FBH1: variants seen among roughly 807,000 people sequenced by gnomAD.
The protein encoded by FBH1 is DNA 3'-5' helicase 1.
A neutral mutation model predicts 115.5 loss-of-function variants in FBH1; 43 were observed. The ratio of observed to expected loss-of-function variants is 0.37; its 90% CI spans 0.29 to 0.48. The LOEUF is 0.48. FBH1 is among the 20% of genes least tolerant of loss of function. The pLI is 0.99. For synonymous variants in FBH1, 524 were observed against 507.8 expected (o/e 1.03, Z -0.43); for missense variants, 1,001 against 1,337.3 (o/e 0.75, Z 3.92).
In FBH1 at chr10:5,909,227, A is replaced by T; in HGVS notation, c.953A>T (p.His318Leu). ...AGGGTGCTGTGGAGTCTGAGGGACC[A>T]CCCCCTCCTCCCCGAGGCTGAGGCG... Reference protein sequence around the residue: ...PERVLWSLRDHPLLPEAEACV... With the variant: ...PERVLWSLRDLPLLPEAEACV... Residue 318 changes from histidine (H) to leucine (L), a missense_variant, in exon 5 of 21, where the codon CAC becomes CTC. Transcript: ENST00000362091. This position sits in a 1 kb window ranked among gnomAD's most constrained non-coding sequence, Gnocchi z 4.4. 6.2e-7 allele frequency: 1 copy of T among 1,612,598 alleles called. No individual in the cohort carries two copies. The highest frequency in any genetic ancestry group is 8.5e-7 in the Non-Finnish European group (1 of 1,179,858).
Position 5,895,021 on chromosome 10 carries a change from T to G in FBH1, c.1+4675T>G, listed in dbSNP as rs1303626875. 1 of 1,598,380 alleles carries G rather than the reference T, an allele frequency of 6.3e-7. No homozygotes were observed. The highest frequency in any genetic ancestry group is 2.3e-5 in the East Asian group (1 of 44,420). ...GTGCTGGAGTTGAGAGATAACACAG[T>G]TAACTGTTGAAATTGGGCCATTCCC... On this transcript the variant is annotated intron_variant, in intron 1 of 20. Coordinates refer to ENST00000362091, the MANE Select transcript of FBH1 (RefSeq NM_178150.3). The surrounding 1 kb of genome is among the most constrained non-coding windows in gnomAD (Gnocchi z 5.0).
At chr10:5,928,308 A>C (rs1832777432) in intron 19 of FBH1, 1 of 151,626 alleles carries the variant, frequency 6.6e-6, no homozygotes, top group African/African-American at 2.4e-5. Flanking sequence ...ATGCCACCAC[A>C]CCTGACTAGT....
chr10:5,890,077 T>C (rs1589032369), upstream of FBH1: 4 of 299,232 alleles, frequency 1.3e-5, no homozygotes, highest in South Asian at 3.2e-4. Flanking sequence ...CCCCCACCGA[T>C]TGCGCATTTC....
rs748916196 is a variant in FBH1, at chr10:5,895,772, T to C, written c.1+5426T>C. On this transcript the variant is annotated intron_variant, in intron 1 of 20. Transcript: ENST00000362091. The surrounding 1 kb of genome is among the most constrained non-coding windows in gnomAD (Gnocchi z 5.0). ...TTCTAAGGATGTCCTGGGAATCAGC[T>C]TCCCAGTTAAGGGGAAGAGGAGAAG... 1.3e-5 allele frequency among the ~76,000 whole-genome samples: 2 copies of C among 152,112 alleles called. No individual in the cohort carries two copies. Among genetic ancestry groups the C allele is most frequent in the Admixed American group, 6.6e-5 (1 of 15,256 alleles).
At chr10:5,919,703 A>C (rs1014619733) in intron 13 of FBH1, among the ~76,000 whole-genome samples, 3 of 152,210 alleles carry the variant, frequency 2.0e-5, no homozygotes, top group Admixed American at 6.5e-5. Flanking sequence ...GAAAGTATCA[A>C]CTGTGCTGTG....
chr10:5,925,809 A>G lies in FBH1; in HGVS notation c.2722+317A>G, dbSNP rs1312382948. On this transcript the variant is annotated intron_variant, in intron 18 of 20. Coordinates refer to ENST00000362091, the MANE Select transcript of FBH1 (RefSeq NM_178150.3). This position sits in a 1 kb window ranked among gnomAD's most constrained non-coding sequence, Gnocchi z 4.6. ...CATCAGACTTTGAGTCTCCAGCCTC[A>G]TGAAAGCTTTAAAATATAGTTTACT... 6.6e-6 allele frequency among the ~76,000 whole-genome samples: 1 copy of G among 152,234 alleles called. No homozygotes were observed. Among genetic ancestry groups the G allele is most frequent in the Admixed American group, 6.5e-5 (1 of 15,282 alleles).
rs758790238 is a variant in FBH1, at chr10:5,918,431, A to G, written c.2053A>G (p.Asn685Asp). The G allele has an allele frequency of 6.2e-7, 1 of 1,612,012 alleles. No individual in the cohort carries two copies. Among genetic ancestry groups the G allele is most frequent in the Non-Finnish European group, 8.5e-7 (1 of 1,179,482 alleles). Residue 685 changes from asparagine (N) to aspartate (D), a missense_variant, in exon 13 of 21, where the codon AAC (asparagine) becomes GAC (aspartate). Physicochemically the swap from Asn to Asp is conservative, Grantham distance 23. This residue lies in a region of FBH1 where 521 missense variants were observed against 811.0 expected (regional missense o/e 0.64). Coordinates refer to ENST00000362091, the MANE Select transcript of FBH1 (RefSeq NM_178150.3). This position sits in a 1 kb window ranked among gnomAD's most constrained non-coding sequence, Gnocchi z 4.0. ...GATCTATACCTTCCGGGGTGCGGTC[A>G]ACGCCCTGTTCACAGTGCCCCACAC... The part of the protein sequence containing the change: ...QQIYTFRGAV[N>D]ALFTVPHTHV...
Position 5,913,623 on chromosome 10 carries a change from A to G in FBH1, c.1212-124A>G, listed in dbSNP as rs1831745447. 1 of 634,952 alleles carries G rather than the reference A, an allele frequency of 1.6e-6. No homozygotes were observed. 39.3% of individuals were successfully genotyped at this position (634,952 alleles called of 1,614,324 possible). On this transcript the variant is annotated intron_variant, in intron 6 of 20. Transcript: ENST00000362091. This position sits in a 1 kb window ranked among gnomAD's most constrained non-coding sequence, Gnocchi z 4.4. ...TTAAATCCTTTTCTTTCTTTTTTCC[A>G]TTAAATGGTGGTAGGTATTTTCTTT...
intron 19 of FBH1, among the ~76,000 whole-genome samples, chr10:5,927,757 G>C (rs1832737359): frequency 6.6e-6 from 1 of 152,030 alleles, no homozygotes; most frequent in Non-Finnish European, 1.5e-5. Flanking sequence ...TCCTAATTCA[G>C]TTTAAAAAGC....
At chr10:5,903,525 C>T (rs1843498565) in intron 2 of FBH1, among the ~76,000 whole-genome samples, 1 of 151,772 alleles carries the variant, frequency 6.6e-6, no homozygotes, top group Non-Finnish European at 1.5e-5. Flanking sequence ...GACGGGGTTT[C>T]TCCATGTTGG....
At chr10:5,894,263 G>A in intron 1 of FBH1, 2 of 1,423,028 alleles carry the variant, frequency 1.4e-6, no homozygotes, top group Non-Finnish European at 1.8e-6. Flanking sequence ...CGGGTCTACA[G>A]CATTTAGTGG....
intron 2 of FBH1, among the ~76,000 whole-genome samples, chr10:5,905,038 C>A (rs929421206): frequency 3.9e-5 from 6 of 152,144 alleles, no homozygotes; most frequent in African/African-American, 1.4e-4. Flanking sequence ...AAAATGTTCC[C>A]TATGTTCCTG....
At chr10:5,899,900 A>T (rs1794003148) in intron 1 of FBH1, among the ~76,000 whole-genome samples, 1 of 152,234 alleles carries the variant, frequency 6.6e-6, no homozygotes, top group Non-Finnish European at 1.5e-5. Flanking sequence ...TTAGTTTTTA[A>T]TGTAGAGAAA....
chr10:5,907,176 T>A (rs1843745683), intron 3 of FBH1, among the ~76,000 whole-genome samples: 1 of 149,772 alleles, frequency 6.7e-6, no homozygotes, highest in African/African-American at 2.4e-5. Context: ...TTGGCCAGGA[T>A]GGTCTCTGAA....
chr10:5,918,958 G>A lies in FBH1; in HGVS notation c.2100+480G>A, dbSNP rs927868875. 6.6e-6 allele frequency among the ~76,000 whole-genome samples: 1 copy of A among 152,158 alleles called. No individual in the cohort carries two copies. The highest frequency in any genetic ancestry group is 1.5e-5 in the Non-Finnish European group (1 of 68,030). ...TGATTATGCGAAAAGTTTATTATGC[G>A]CTCCTTCCTTTCCAATCACATGTCT... On this transcript the variant is annotated intron_variant, in intron 13 of 20. Coordinates refer to ENST00000362091, the MANE Select transcript of FBH1 (RefSeq NM_178150.3). This position sits in a 1 kb window ranked among gnomAD's most constrained non-coding sequence, Gnocchi z 4.0.
Position 5,936,134 on chromosome 10 carries a change from C to T in FBH1, c.2830-322C>T, listed in dbSNP as rs554297158. On this transcript the variant is annotated intron_variant, in intron 19 of 20. Coordinates refer to ENST00000362091, the MANE Select transcript of FBH1 (RefSeq NM_178150.3). This position sits in a 1 kb window ranked among gnomAD's most constrained non-coding sequence, Gnocchi z 5.6. ...TATAATGTGAATACACAATAGTTTT[C>T]TGAAGATTGAGCTGGGGATACCTTA... is the stretch of plus-strand genomic sequence containing the variant. The T allele has an allele frequency of 4.2e-4, 82 of 193,416 alleles. No individual in the cohort carries two copies. Among genetic ancestry groups the T allele is most frequent in the African/African-American group, 1.7e-3 (74 of 43,774 alleles). The allele number at this position is 193,416 out of a possible 1,614,324, so 12.0% of individuals were successfully genotyped here. A position where few individuals can be genotyped will look rare whatever the true frequency, so the allele number is the denominator to read the frequency against.
Position 5,922,111 on chromosome 10 carries a change from A to G in FBH1, c.2322+542A>G, listed in dbSNP as rs184058331. Among the ~76,000 whole-genome samples, 261 of 152,360 alleles carry G rather than the reference A, an allele frequency of 1.7e-3. 1 individual carries two copies. Among genetic ancestry groups the G allele is most frequent in the Middle Eastern group, 3.4e-3 (1 of 294 alleles). ...ACCCTGAAGCACAGTTATATGATAA[A>G]AAGATATTCACTCATTCATTTATGG... On this transcript the variant is annotated intron_variant, in intron 15 of 20. Coordinates refer to ENST00000362091, the MANE Select transcript of FBH1 (RefSeq NM_178150.3).
intron 3 of FBH1, among the ~76,000 whole-genome samples, chr10:5,907,432 C>A (rs1843768125): frequency 2.6e-5 from 4 of 151,238 alleles, no homozygotes; most frequent in Admixed American, 2.6e-4. Context: ...TCTTCTTTGA[C>A]CCATTGGTTG....
rs1254645266 is a variant in FBH1 at position 5,897,103 on chromosome 10, T to TG, written c.2-5915dup. Reference sequence around the variant, plus strand: ...GCCTTAGGAGACCCTCAGATTGGTGTGGTAGTCACATATTTCTTCTGACGT... The same window carrying TG: ...GCCTTAGGAGACCCTCAGATTGGTGTGGGTAGTCACATATTTCTTCTGACGT... On this transcript the variant is annotated intron_variant, in intron 1 of 20. Transcript: ENST00000362091. The surrounding 1 kb of genome is among the most constrained non-coding windows in gnomAD (Gnocchi z 4.7). Among the ~76,000 whole-genome samples, 2 of 152,184 alleles carry TG rather than the reference T, an allele frequency of 1.3e-5. No homozygotes were observed. Among genetic ancestry groups the TG allele is most frequent in the Non-Finnish European group, 2.9e-5 (2 of 68,036 alleles).
Sources: allele counts gnomAD v4.1 joint callset (sites outside exome capture counted in the v4.1 genomes callset), GRCh38; gene constraint gnomAD v4.1.1; regional missense constraint gnomAD v4.1.1; non-coding constraint Gnocchi (gnomAD v3.1); transcripts MANE v1.5; gene names NCBI Gene and HGNC (gene_info 2026-07-23, HGNC 2026-07-21).